DTNA: variants seen among roughly 807,000 people sequenced by gnomAD.
DTNA encodes dystrobrevin alpha.
A neutral mutation model predicts 100.7 loss-of-function variants in DTNA; 43 were observed. The observed-to-expected ratio is 0.43, with a 90% CI of 0.33 to 0.55. The LOEUF is 0.55. Among genes scored for constraint, DTNA ranks in the 20% least tolerant of loss-of-function variants. The probability of loss-of-function intolerance (pLI) is 0.04; values close to 1 mark genes in which losing one functional copy is unlikely to be tolerated. For missense variants in DTNA, 798 were observed against 953.9 expected, an observed-to-expected ratio of 0.84 and a Z score of 2.15; for synonymous variants, 349 against 347.9, an observed-to-expected ratio of 1.00 and a Z score of -0.04.
chr18:34,826,953 C>T (rs1324694447), intron 9 of DTNA, among the ~76,000 whole-genome samples: 1 of 152,274 alleles, frequency 6.6e-6, no homozygotes, highest in Non-Finnish European at 1.5e-5. Flanking sequence ...ATTCTGTTTT[C>T]CTTCTCTTAT....
At position 34,875,385 on chromosome 18, in the gene DTNA, G is replaced by A; in HGVS notation, c.1890G>A (p.Glu630=). The change falls in exon 18 of 23, where the codon GAG becomes GAA. Residue 630 remains glutamate (E), a synonymous_variant. Coordinates refer to ENST00000444659, the MANE Select transcript of DTNA (RefSeq NM_001386795.1). ...CAGGAGTAGGGGGAGATGTACAAGA[G>A]GCATTTGCACAAAGTAAGTGGCTTT... is the stretch of plus-strand genomic sequence containing the variant. ...SLTGVGGDVQ[E]AFAQSSRRNL... is the part of the protein sequence containing the mutation. 1 of 1,614,178 alleles carries A rather than the reference G, an allele frequency of 6.2e-7. No individual in the cohort carries two copies. Among genetic ancestry groups the A allele is most frequent in the Non-Finnish European group, 8.5e-7 (1 of 1,180,040 alleles).
At chr18:34,501,321 A>G (rs973702232) in intron 1 of DTNA, among the ~76,000 whole-genome samples, 1 of 152,170 alleles carries the variant, frequency 6.6e-6, no homozygotes, top group Admixed American at 6.5e-5. Context: ...CCATTTATTC[A>G]TTATGTATGA....
chr18:34,871,331 C>T (rs1033319134), intron 17 of DTNA, among the ~76,000 whole-genome samples: 1 of 152,168 alleles, frequency 6.6e-6, no homozygotes, highest in Non-Finnish European at 1.5e-5. Context: ...GTTGAGTAGA[C>T]TTGGAGGATG....
intron 1 of DTNA, among the ~76,000 whole-genome samples, chr18:34,500,890 A>G (rs563285070): frequency 3.9e-5 from 6 of 152,354 alleles, no homozygotes; most frequent in Non-Finnish European, 7.4e-5. Context: ...GTAGACCACC[A>G]TCATGTAATC....
chr18:34,687,856 T>G (rs556588679), intron 1 of DTNA, among the ~76,000 whole-genome samples: 163 of 152,356 alleles, frequency 1.1e-3, no homozygotes, highest in Non-Finnish European at 2.0e-3. Flanking sequence ...GATACTTAGC[T>G]CTTCTTGTTG....
chr18:34,494,084 C>G (rs980241249), intron 1 of DTNA: 6 of 151,802 alleles, frequency 4.0e-5, no homozygotes, highest in African/African-American at 1.4e-4. Flanking sequence ...GCCGCGGCGC[C>G]GCTCGGGGGG....
intron 6 of DTNA, among the ~76,000 whole-genome samples, chr18:34,813,841 C>CAAAAAA (rs34385959): frequency 1.4e-5 from 1 of 71,588 alleles, no homozygotes; most frequent in African/African-American, 4.7e-5. Flanking sequence ...GACTCCATCT[C>CAAAAAA]AAAAAAAAAA....
At chr18:34,868,163 A>C in intron 17 of DTNA, 2 of 468,540 alleles carry the variant, frequency 4.3e-6, no homozygotes, top group Non-Finnish European at 5.6e-6. Flanking sequence ...GCAAAAAAAA[A>C]AAAAAAAGGA....
At chr18:34,840,391 A>T (rs1435255849) in intron 13 of DTNA, among the ~76,000 whole-genome samples, 1 of 152,034 alleles carries the variant, frequency 6.6e-6, no homozygotes, top group Non-Finnish European at 1.5e-5. Flanking sequence ...ATTTTTTTTT[A>T]ATTGTATTGG....
chr18:34,557,096 T>A (rs1217887013), intron 1 of DTNA, among the ~76,000 whole-genome samples: 1 of 151,004 alleles, frequency 6.6e-6, no homozygotes, highest in Non-Finnish European at 1.5e-5. Context: ...TAAACTTCCC[T>A]TCTCGCTTCA....
intron 6 of DTNA, among the ~76,000 whole-genome samples, chr18:34,814,421 C>A (rs755430089): frequency 5.3e-5 from 8 of 151,766 alleles, no homozygotes; most frequent in Non-Finnish European, 1.0e-4. Context: ...GGTGTGATGG[C>A]TCACACAGTA....
At chr18:34,695,928 T>C (rs921561128) in intron 1 of DTNA, among the ~76,000 whole-genome samples, 1 of 152,220 alleles carries the variant, frequency 6.6e-6, no homozygotes, top group Non-Finnish European at 1.5e-5. Context: ...CATTGAGTGG[T>C]TAAGGATTCT....
intron 4 of DTNA, among the ~76,000 whole-genome samples, chr18:34,794,953 C>T (rs1373030933): frequency 1.3e-5 from 2 of 152,086 alleles, no homozygotes; most frequent in African/African-American, 2.4e-5. Flanking sequence ...TGTTAGTGGC[C>T]GAGTGGGGAC....
At chr18:34,669,672 C>A (rs141404482) in intron 1 of DTNA, among the ~76,000 whole-genome samples, 2 of 152,124 alleles carry the variant, frequency 1.3e-5, no homozygotes, top group East Asian at 3.9e-4. Flanking sequence ...ATTTTATTTC[C>A]CCTTCACTTA....
At chr18:34,643,543 A>G (rs1370142455) in intron 1 of DTNA, among the ~76,000 whole-genome samples, 1 of 152,142 alleles carries the variant, frequency 6.6e-6, no homozygotes, top group Non-Finnish European at 1.5e-5. Context: ...AAATCTGTTT[A>G]TTCTTTATTA....
intron 15 of DTNA, 93 bp downstream of exon 15, chr18:34,852,021 C>A: frequency 8.0e-7 from 1 of 1,252,226 alleles, no homozygotes; most frequent in Non-Finnish European, 1.1e-6. Flanking sequence ...GCTTTACACC[C>A]TGTATGGCTA....
At chr18:34,680,347 C>T (rs2077933856) in intron 1 of DTNA, among the ~76,000 whole-genome samples, 3 of 152,132 alleles carry the variant, frequency 2.0e-5, no homozygotes, top group Admixed American at 1.3e-4. Context: ...CATTTTTCAG[C>T]AGAATAGAGG....
chr18:34,725,953 A>G (rs2086576032), intron 1 of DTNA, among the ~76,000 whole-genome samples: 1 of 152,192 alleles, frequency 6.6e-6, no homozygotes, highest in African/African-American at 2.4e-5. Flanking sequence ...TTTCGGGGAC[A>G]TGTATGAAAC....
At chr18:34,700,775 T>C (rs2081253912) in intron 1 of DTNA, among the ~76,000 whole-genome samples, 2 of 152,216 alleles carry the variant, frequency 1.3e-5, no homozygotes, top group Non-Finnish European at 2.9e-5. Context: ...GACTGGTTCA[T>C]CACTTTCCCA....
Sources: allele counts gnomAD v4.1 joint callset (sites outside exome capture counted in the v4.1 genomes callset), GRCh38; gene constraint gnomAD v4.1.1; transcripts MANE v1.5; gene names NCBI Gene and HGNC (gene_info 2026-07-23, HGNC 2026-07-21).